Variants in EFL1 observed in about 807,000 individuals in gnomAD.
The protein encoded by EFL1 is elongation factor-like GTPase 1.
Under a neutral mutation model 126.7 loss-of-function variants are expected in EFL1, and 76 were observed. That is an observed-to-expected ratio of 0.60 (90% CI 0.50 to 0.73). The LOEUF is 0.73. Among genes scored for constraint, EFL1 ranks in the 30% least tolerant of loss-of-function variants. The probability of loss-of-function intolerance (pLI) is 0.00; values close to 1 mark genes in which losing one functional copy is unlikely to be tolerated. For missense variants in EFL1, 1,128 were observed against 1,343.2 expected, an observed-to-expected ratio of 0.84 and a Z score of 2.50; for synonymous variants, 410 against 448.4, an observed-to-expected ratio of 0.91 and a Z score of 1.08.
intron 4 of EFL1, among the ~76,000 whole-genome samples, chr15:82,246,571 TTAAGACAAGA>T (rs1037656717): frequency 6.6e-6 from 1 of 151,994 alleles, no homozygotes; most frequent in African/African-American, 2.4e-5. Flanking sequence ...ATGTATTTTT[TTAAGACAAGA>T]AAGACAAGAA....
chr15:82,149,089 G>C (rs2073880412), intron 18 of EFL1, among the ~76,000 whole-genome samples: 2 of 151,794 alleles, frequency 1.3e-5, no homozygotes, highest in Admixed American at 1.3e-4. Flanking sequence ...TTTCTCATCA[G>C]ACAAGGACAC....
At chr15:82,178,092 T>C (rs1055623399) in intron 15 of EFL1, among the ~76,000 whole-genome samples, 2 of 152,230 alleles carry the variant, frequency 1.3e-5, no homozygotes, top group Admixed American at 1.3e-4. Context: ...GATACTCAGG[T>C]GTCTTTTCTC....
rs775274299 is a variant in EFL1, at chr15:82,220,269, T to A, written c.1293-40A>T. 2.0e-6 allele frequency: 3 copies of A among 1,535,782 alleles called. No individual in the cohort carries two copies. The Admixed American group carries it at 6.2e-5, about 32-fold the overall frequency. On this transcript the variant is annotated intron_variant, in intron 12 of 19. Coordinates refer to ENST00000268206, the MANE Select transcript of EFL1 (RefSeq NM_024580.6). ...AAATATGCTGTCATCTCTCAGTTCATCCAAGTAGGGAAACAGCAAGCATTG... is the reference window on the plus strand; with the variant it reads ...AAATATGCTGTCATCTCTCAGTTCAACCAAGTAGGGAAACAGCAAGCATTG...
At chr15:82,193,822 A>C (rs888204131) in intron 15 of EFL1, among the ~76,000 whole-genome samples, 1 of 152,146 alleles carries the variant, frequency 6.6e-6, no homozygotes, top group African/African-American at 2.4e-5. Flanking sequence ...GCTTACAAAA[A>C]TCTTCAACCT....
intron 8 of EFL1, 151 bp downstream of exon 8, chr15:82,230,697 T>A (rs114469692): frequency 1.2e-6 from 1 of 846,600 alleles, no homozygotes. Context: ...TATGGACTTG[T>A]AAGCCTTTCC....
At chr15:82,147,728 C>T (rs1459089211) in intron 18 of EFL1, among the ~76,000 whole-genome samples, 1 of 151,690 alleles carries the variant, frequency 6.6e-6, no homozygotes, top group Admixed American at 6.6e-5. Context: ...ATAACAGACC[C>T]TAAAATAAAA....
intron 15 of EFL1, among the ~76,000 whole-genome samples, chr15:82,169,202 G>A (rs1324193506): frequency 6.6e-6 from 1 of 152,146 alleles, no homozygotes; most frequent in African/African-American, 2.4e-5. Context: ...CCTGAGTGGG[G>A]CATAGTATTT....
intron 15 of EFL1, among the ~76,000 whole-genome samples, chr15:82,202,482 T>C (rs1420726172): frequency 6.6e-5 from 10 of 152,230 alleles, no homozygotes; most frequent in South Asian, 2.1e-4. Flanking sequence ...ATTATGTTGC[T>C]TAATTGACAT....
chr15:82,198,171 A>C (rs2074427968), intron 15 of EFL1, among the ~76,000 whole-genome samples: 1 of 152,152 alleles, frequency 6.6e-6, no homozygotes, highest in Non-Finnish European at 1.5e-5. Flanking sequence ...TTTGATGAAA[A>C]TCTGTGGGAA....
At chr15:82,227,116 G>A (rs2074771744) in intron 11 of EFL1, among the ~76,000 whole-genome samples, 3 of 152,194 alleles carry the variant, frequency 2.0e-5, no homozygotes, top group Admixed American at 6.5e-5. Context: ...TAGAACTGGA[G>A]GAAAAGAATT....
At chr15:82,227,594 T>C (rs769085765) in intron 10 of EFL1, 22 bp from the exon 11 acceptor site, 2 of 1,613,868 alleles carry the variant, frequency 1.2e-6, no homozygotes, top group South Asian at 1.1e-5. Context: ...TGTTAAGGAC[T>C]GAAAACCTTG....
chr15:82,201,230 G>C (rs983508413), intron 15 of EFL1, among the ~76,000 whole-genome samples: 17 of 152,234 alleles, frequency 1.1e-4, no homozygotes, highest in African/African-American at 4.1e-4. Flanking sequence ...ACACTCAAGA[G>C]ATCTTCACCA....
At chr15:82,217,492 C>T (rs1207977867) in intron 14 of EFL1, among the ~76,000 whole-genome samples, 4 of 144,988 alleles carry the variant, frequency 2.8e-5, no homozygotes, top group African/African-American at 7.7e-5. Context: ...AAACGAGCTA[C>T]GGGAATAGGC....
intron 12 of EFL1, among the ~76,000 whole-genome samples, chr15:82,220,976 G>A (rs949440519): frequency 2.0e-5 from 3 of 152,116 alleles, no homozygotes; most frequent in Admixed American, 6.5e-5. Context: ...CCTAGGACTT[G>A]GCTCCCTTCC....
intron 11 of EFL1, among the ~76,000 whole-genome samples, chr15:82,225,878 C>A (rs565588501): frequency 2.0e-5 from 3 of 151,988 alleles, no homozygotes; most frequent in South Asian, 2.1e-4. Context: ...GGTAAAAAAA[C>A]ATTGATTAAT....
intron 15 of EFL1, among the ~76,000 whole-genome samples, chr15:82,197,563 C>T (rs1028426617): frequency 6.6e-6 from 1 of 152,160 alleles, no homozygotes; most frequent in African/African-American, 2.4e-5. Context: ...TGCTTCATTG[C>T]TCACTAAACA....
At chr15:82,183,639 TG>T (rs2074274617) in intron 15 of EFL1, among the ~76,000 whole-genome samples, 1 of 152,208 alleles carries the variant, frequency 6.6e-6, no homozygotes, top group Non-Finnish European at 1.5e-5. Flanking sequence ...GTTCTAAAGA[TG>T]GTCTAGCAAA....
At position 82,230,842 on chromosome 15, in the gene EFL1, C is replaced by T. The variant is rs537827718; in HGVS notation, c.855+6G>A. On this transcript the variant is annotated splice_donor_region_variant and intron_variant, in intron 8 of 19. Coordinates refer to ENST00000268206, the MANE Select transcript of EFL1 (RefSeq NM_024580.6). ...CAACAACCAAAAGGGACATATACCA[C>T]ATTACCTGATCACCCTTCATGATCT... 4.8e-5 allele frequency: 78 copies of T among 1,609,056 alleles called. No individual in the cohort carries two copies. The South Asian group carries it at 8.3e-4, about 17-fold the overall frequency.
At chr15:82,177,280 TTC>T (rs1276701069) in intron 15 of EFL1, among the ~76,000 whole-genome samples, 10 of 152,224 alleles carry the variant, frequency 6.6e-5, no homozygotes, top group Admixed American at 5.2e-4. Flanking sequence ...TTTTAAGTGT[TTC>T]TGAGTCTTTT....
Sources: gnomAD v4.1 joint callset for allele counts (sites outside exome capture counted in the v4.1 genomes callset) on GRCh38, gnomAD v4.1.1 for gene constraint, MANE v1.5 for transcripts, NCBI Gene and HGNC (gene_info 2026-07-23, HGNC 2026-07-21) for gene names.